Variants in RERG observed in about 807,000 individuals in gnomAD.
RERG encodes the protein ras-related and estrogen-regulated growth inhibitor.
RERG carries 25 observed loss-of-function variants against 23.2 expected under a neutral mutation model. That is an observed-to-expected ratio of 1.08 (90% CI 0.79 to 1.50). The LOEUF is 1.50. RERG is among the 40% of genes most tolerant of loss of function. The pLI is 0.00. For missense variants in RERG, 253 were observed against 250.1 expected, an observed-to-expected ratio of 1.01 and a Z score of -0.08; for synonymous variants, 81 against 89.1, an observed-to-expected ratio of 0.91 and a Z score of 0.51.
chr12:15,181,136 C>T (rs771538214), intron 2 of RERG, among the ~76,000 whole-genome samples: 1 of 152,104 alleles, frequency 6.6e-6, no homozygotes, highest in Non-Finnish European at 1.5e-5. Flanking sequence ...AAGCACAGCA[C>T]ATAACATTGC....
intron 2 of RERG, among the ~76,000 whole-genome samples, chr12:15,139,087 T>C (rs1351178913): frequency 6.7e-6 from 1 of 150,198 alleles, no homozygotes; most frequent in Non-Finnish European, 1.5e-5. Flanking sequence ...AAAAAGCTAT[T>C]CTTTCTACAT....
chr12:15,152,238 A>G (rs1323731105), intron 2 of RERG, among the ~76,000 whole-genome samples: 1 of 152,164 alleles, frequency 6.6e-6, no homozygotes, highest in Admixed American at 6.5e-5. Context: ...AGGAGTCAAA[A>G]TTTCATTGCT....
intron 2 of RERG, among the ~76,000 whole-genome samples, chr12:15,196,598 C>T (rs544087682): frequency 1.8e-3 from 279 of 152,246 alleles, no homozygotes; most frequent in African/African-American, 6.6e-3. Context: ...AACTCAAACA[C>T]ATGAATGAGA....
chr12:15,183,068 G>C (rs1311456540), intron 2 of RERG, among the ~76,000 whole-genome samples: 1 of 152,080 alleles, frequency 6.6e-6, no homozygotes, highest in African/African-American at 2.4e-5. Flanking sequence ...GCAACAGAGA[G>C]AGACCCTGGC....
chr12:15,121,793 A>C (rs2136088862), intron 2 of RERG, among the ~76,000 whole-genome samples: 1 of 152,292 alleles, frequency 6.6e-6, no homozygotes. Flanking sequence ...AACTCATTTA[A>C]TTAAGCTTAT....
At chr12:15,146,743 C>A (rs184060894) in intron 2 of RERG, among the ~76,000 whole-genome samples, 1 of 152,246 alleles carries the variant, frequency 6.6e-6, no homozygotes, top group Non-Finnish European at 1.5e-5. Flanking sequence ...AGCATGGGAC[C>A]CATCTAAACT....
chr12:15,200,530 T>C (rs1264866495), intron 2 of RERG, among the ~76,000 whole-genome samples: 1 of 152,042 alleles, frequency 6.6e-6, no homozygotes, highest in Non-Finnish European at 1.5e-5. Context: ...AAAAGATCTC[T>C]AGTTATCTGA....
At chr12:15,147,982 GA>G (rs771785465) in intron 2 of RERG, among the ~76,000 whole-genome samples, 1 of 152,158 alleles carries the variant, frequency 6.6e-6, no homozygotes, top group Non-Finnish European at 1.5e-5. Flanking sequence ...TTAGACGCAA[GA>G]AAACACTGCA....
At chr12:15,113,226 A>G (rs574230113) in intron 3 of RERG, among the ~76,000 whole-genome samples, 13 of 152,186 alleles carry the variant, frequency 8.5e-5, no homozygotes, top group Non-Finnish European at 1.3e-4. Context: ...AAATCTAGAA[A>G]AAGTGAACTA....
At chr12:15,189,416 T>C (rs1865037919) in intron 2 of RERG, among the ~76,000 whole-genome samples, 1 of 152,196 alleles carries the variant, frequency 6.6e-6, no homozygotes, top group Admixed American at 6.5e-5. Context: ...TATATCCACA[T>C]GATTCACTCT....
At chr12:15,209,558 A>G (rs1865338971) in intron 2 of RERG, among the ~76,000 whole-genome samples, 2 of 152,130 alleles carry the variant, frequency 1.3e-5, no homozygotes, top group South Asian at 2.1e-4. Flanking sequence ...AGAATACTGC[A>G]TTACAGGAGA....
rs56033971 is a variant in RERG at position 15,148,847 on chromosome 12, GTTTTTTTTTTTTTTTTTTTTT to G, written c.62-27749_62-27729del. ...AATTCATTTGCAGTCCTTTAACTCT[GTTTTTTTTTTTTTTTTTTTTT>G]TTTTTTTTTTTTTTTTTTTAGACAG... On this transcript the variant is annotated intron_variant, in intron 2 of 4. Transcript: ENST00000256953. 3.6e-3 allele frequency among the ~76,000 whole-genome samples: 162 copies of G among 45,560 alleles called. 2 individuals are homozygous for G. Among genetic ancestry groups the G allele is most frequent in the Middle Eastern group, 0.016 (1 of 62 alleles). 29.9% of individuals were successfully genotyped at this position (45,560 alleles called of 152,430 possible).
chr12:15,149,112 G>C (rs1027755306), intron 2 of RERG, among the ~76,000 whole-genome samples: 1 of 151,444 alleles, frequency 6.6e-6, no homozygotes, highest in African/African-American at 2.4e-5. Flanking sequence ...CTCGTAATCC[G>C]CCCGCCTCGG....
chr12:15,131,620 A>G (rs1864048110), intron 2 of RERG, among the ~76,000 whole-genome samples: 1 of 152,116 alleles, frequency 6.6e-6, no homozygotes, highest in South Asian at 2.1e-4. Context: ...CATAAAAGTG[A>G]CTCAGAGTGA....
chr12:15,139,237 C>G (rs1258044940), intron 2 of RERG, among the ~76,000 whole-genome samples: 1 of 151,850 alleles, frequency 6.6e-6, no homozygotes, highest in Non-Finnish European at 1.5e-5. Flanking sequence ...TATAAATAAG[C>G]CTTGAAGTCT....
intron 2 of RERG, among the ~76,000 whole-genome samples, chr12:15,132,245 C>T (rs1864060643): frequency 6.6e-6 from 1 of 152,124 alleles, no homozygotes; most frequent in East Asian, 1.9e-4. Flanking sequence ...AAAGGTTTCC[C>T]TTTCACTCCT....
rs555421688 is a variant in RERG at position 15,126,199 on chromosome 12, GA to G, written c.62-5081del. ...TACATATATAAACATTCTTCCATTTGAAAAAAATGCATCGTCTAGTCTCAAC... is the reference window on the plus strand; with the variant it reads ...TACATATATAAACATTCTTCCATTTGAAAAAATGCATCGTCTAGTCTCAAC... On this transcript the variant is annotated intron_variant, in intron 2 of 4. Transcript: ENST00000256953. Among the ~76,000 whole-genome samples the G allele has an allele frequency of 4.2e-4, 55 of 131,640 alleles. No individual in the cohort carries two copies. In the East Asian group the frequency reaches 0.01, roughly 25 times the overall value. The allele number at this position is 131,640 out of a possible 152,430, so 86.4% of individuals were successfully genotyped here. A position where few individuals can be genotyped will look rare whatever the true frequency, so the allele number is the denominator to read the frequency against.
chr12:15,195,551 CTGTGTGTGTGTGTGTGTGTGTGTGTGTG>C (rs71042238), intron 2 of RERG, among the ~76,000 whole-genome samples: 3 of 128,310 alleles, frequency 2.3e-5, no homozygotes, highest in Admixed American at 7.7e-5. Flanking sequence ...GCAAGCTTGG[CTGTGTGTGTGTGTGTGTGTGTGTGTGTG>C]TGTGTGTGTG....
At chr12:15,178,972 C>T (rs1194650852) in intron 2 of RERG, among the ~76,000 whole-genome samples, 1 of 152,126 alleles carries the variant, frequency 6.6e-6, no homozygotes, top group African/African-American at 2.4e-5. Context: ...AAATCCTAAC[C>T]TATTACTTTC....
Sources: gnomAD v4.1 joint callset for allele counts (sites outside exome capture counted in the v4.1 genomes callset) on GRCh38, gnomAD v4.1.1 for gene constraint, MANE v1.5 for transcripts, NCBI Gene and HGNC (gene_info 2026-07-23, HGNC 2026-07-21) for gene names.